Variants in SCTR observed in about 807,000 individuals in gnomAD.
SCTR encodes the protein pancreatic secretin receptor.
In SCTR, 56 loss-of-function variants were observed where a neutral mutation model predicts 60.8. The observed-to-expected ratio is 0.92, with a 90% confidence interval of 0.74 to 1.15. The LOEUF is 1.15. SCTR is among the 50% of genes most tolerant of loss of function. The pLI, the probability that SCTR is intolerant of heterozygous loss-of-function variation, is 0.00. For missense variants in SCTR, 562 were observed against 550.4 expected (o/e 1.02, Z -0.21); for synonymous variants, 202 against 217.0 (o/e 0.93, Z 0.61).
intron 3 of SCTR, among the ~76,000 whole-genome samples, chr2:119,478,294 A>C (rs961979427): frequency 6.6e-6 from 1 of 152,218 alleles, no homozygotes; most frequent in Non-Finnish European, 1.5e-5. Flanking sequence ...AATCAATGTG[A>C]GTCAACTAGG....
intron 3 of SCTR, among the ~76,000 whole-genome samples, chr2:119,477,174 G>A (rs1677363707): frequency 6.6e-6 from 1 of 152,192 alleles, no homozygotes; most frequent in Non-Finnish European, 1.5e-5. Flanking sequence ...CTGGCACCCA[G>A]CTAAAAGACA....
At chr2:119,463,582 T>G (rs931525554) in intron 6 of SCTR, among the ~76,000 whole-genome samples, 1 of 152,152 alleles carries the variant, frequency 6.6e-6, no homozygotes, top group Non-Finnish European at 1.5e-5. Flanking sequence ...GACCCCAATA[T>G]ATAGTTTTCT....
At chr2:119,494,032 G>C (rs540058438) in intron 2 of SCTR, among the ~76,000 whole-genome samples, 1 of 152,272 alleles carries the variant, frequency 6.6e-6, no homozygotes, top group African/African-American at 2.4e-5. Flanking sequence ...TAGCAGGCAG[G>C]CCACACTACT....
At chr2:119,476,562 T>C (rs982700164) in intron 3 of SCTR, 1 of 151,804 alleles carries the variant, frequency 6.6e-6, no homozygotes, top group Non-Finnish European at 1.5e-5. Flanking sequence ...CACTGAGCCT[T>C]TACGTAATGA....
intron 9 of SCTR, among the ~76,000 whole-genome samples, chr2:119,449,413 T>C (rs2104766607): frequency 6.7e-6 from 1 of 149,114 alleles, no homozygotes; most frequent in South Asian, 2.1e-4. Context: ...ACTTAAAATA[T>C]CTTTTTTTTT....
intron 1 of SCTR, among the ~76,000 whole-genome samples, chr2:119,515,672 C>A (rs1005116939): frequency 6.6e-6 from 1 of 152,194 alleles, no homozygotes. Context: ...AGAACTTGCA[C>A]AAGTGGTCCC....
At chr2:119,444,434 T>G (rs1341963056) in intron 11 of SCTR, among the ~76,000 whole-genome samples, 1 of 109,332 alleles carries the variant, frequency 9.1e-6, no homozygotes, top group African/African-American at 3.7e-5. Context: ...CGTATGAATA[T>G]ACACATATAT....
intron 6 of SCTR, among the ~76,000 whole-genome samples, chr2:119,463,378 G>C (rs1683695411): frequency 2.0e-5 from 3 of 152,112 alleles, no homozygotes; most frequent in Admixed American, 2.0e-4. Context: ...TTCTTGCCTG[G>C]AACACAGACA....
chr2:119,452,684 G>A (rs76078397), intron 8 of SCTR, among the ~76,000 whole-genome samples: 3,124 of 152,220 alleles, frequency 0.021, 96 homozygotes, highest in African/African-American at 0.072. Context: ...ATAGACACTT[G>A]GATGTCTCAT....
At chr2:119,477,424 T>A (rs56232614) in intron 3 of SCTR, among the ~76,000 whole-genome samples, 4,702 of 151,544 alleles carry the variant, frequency 0.031, 231 homozygotes, top group African/African-American at 0.11. Flanking sequence ...ACCTGTTTCC[T>A]GTTCTGGACG....
intron 7 of SCTR, among the ~76,000 whole-genome samples, chr2:119,455,010 T>G (rs1573809943): frequency 6.6e-6 from 1 of 150,886 alleles, no homozygotes; most frequent in Non-Finnish European, 1.5e-5. Context: ...TACTAGAAAA[T>G]TTTAAGCTAG....
chr2:119,492,834 ATTTATT>A (rs562043769), intron 2 of SCTR, among the ~76,000 whole-genome samples: 1 of 448 alleles, frequency 2.2e-3, no homozygotes, highest in African/African-American at 0.015. Flanking sequence ...CTTTTTTAAT[ATTTATT>A]TATTTATTTA....
chr2:119,520,277 G>A (rs145723626), intron 1 of SCTR, among the ~76,000 whole-genome samples: 2,403 of 152,266 alleles, frequency 0.016, 64 homozygotes, highest in African/African-American at 0.054. Context: ...AAGGCAGGAG[G>A]ATCACTTGAG....
intron 6 of SCTR, among the ~76,000 whole-genome samples, chr2:119,462,541 G>A (rs1398888188): frequency 6.6e-6 from 1 of 152,260 alleles, no homozygotes. Context: ...GGGATGTCAT[G>A]GAGTTGGACT....
intron 2 of SCTR, among the ~76,000 whole-genome samples, chr2:119,492,950 C>T (rs971315649): frequency 3.3e-5 from 5 of 151,982 alleles, no homozygotes; most frequent in South Asian, 2.1e-4. Flanking sequence ...CTCTACCTCC[C>T]GTGCTCAAGC....
intron 1 of SCTR, among the ~76,000 whole-genome samples, chr2:119,504,791 G>C (rs932902358): frequency 2.0e-5 from 3 of 152,070 alleles, no homozygotes; most frequent in South Asian, 4.1e-4. Context: ...ACAAGCTATG[G>C]AATCGGAGAA....
intron 1 of SCTR, among the ~76,000 whole-genome samples, chr2:119,506,500 G>A (rs1678744608): frequency 9.7e-6 from 1 of 102,946 alleles, no homozygotes; most frequent in Admixed American, 9.1e-5. Flanking sequence ...TTATCTTTTA[G>A]AGACAGGGTC....
At chr2:119,511,328 T>G (rs1176544867) in intron 1 of SCTR, among the ~76,000 whole-genome samples, 1 of 152,210 alleles carries the variant, frequency 6.6e-6, no homozygotes, top group East Asian at 1.9e-4. Flanking sequence ...TCCCTACATA[T>G]ACTTCTCTCC....
intron 2 of SCTR, among the ~76,000 whole-genome samples, chr2:119,483,945 C>G: frequency 6.6e-6 from 1 of 152,006 alleles, no homozygotes; most frequent in South Asian, 2.1e-4. Context: ...CTCCCCAGTC[C>G]CCCAAGCCAA....
Sources: gnomAD v4.1 joint callset for allele counts (sites outside exome capture counted in the v4.1 genomes callset) on GRCh38, gnomAD v4.1.1 for gene constraint, MANE v1.5 for transcripts, NCBI Gene and HGNC (gene_info 2026-07-23, HGNC 2026-07-21) for gene names.